EIF4A3: variants seen among roughly 807,000 people sequenced by gnomAD.
The protein encoded by EIF4A3 is eukaryotic translation initiation factor 4A3.
In EIF4A3, 1 loss-of-function variant was observed where a neutral mutation model predicts 55.6. The ratio of observed to expected loss-of-function variants is 0.02; its 90% confidence interval spans 0.01 to 0.09. The LOEUF is 0.09. EIF4A3 is among the 10% of genes least tolerant of loss of function. The probability of loss-of-function intolerance (pLI) is 1.00; values close to 1 mark genes in which losing one functional copy is unlikely to be tolerated. For synonymous variants in EIF4A3, 194 were observed against 196.3 expected, an observed-to-expected ratio of 0.99 and a Z score of 0.10; for missense variants, 221 against 540.7, an observed-to-expected ratio of 0.41 and a Z score of 5.86.
Position 80,135,295 on chromosome 17 carries a change from G to T in EIF4A3, c.*195C>A, listed in dbSNP as rs966108334. On this transcript the variant is annotated 3_prime_UTR_variant, in exon 12 of 12. Coordinates refer to ENST00000649764, the MANE Select transcript of EIF4A3 (RefSeq NM_014740.4). ...TTAAATTTTTAATGAAAAAGACTTAGAACAATGTATTATTTACATGTAAAT... is the reference window on the plus strand; with the variant it reads ...TTAAATTTTTAATGAAAAAGACTTATAACAATGTATTATTTACATGTAAAT... 23 of 547,976 alleles carry T rather than the reference G, an allele frequency of 4.2e-5. No homozygotes were observed. The highest frequency in any genetic ancestry group is 3.8e-5 in the Admixed American group (1 of 26,072). 33.9% of individuals were successfully genotyped at this position (547,976 alleles called of 1,614,324 possible).
intron 2 of EIF4A3, among the ~76,000 whole-genome samples, 195 bp from the exon 3 acceptor site, chr17:80,142,043 T>C (rs563207803): frequency 7.4e-4 from 112 of 152,078 alleles, no homozygotes; most frequent in African/African-American, 2.6e-3. Flanking sequence ...AGAAAGAGAG[T>C]AGACATGGCT....
At position 80,146,938 on chromosome 17, in the gene EIF4A3, C is replaced by G. The variant is rs75880769; in HGVS notation, c.24G>C (p.Ala8=). 4.0e-4 allele frequency: 645 copies of G among 1,607,980 alleles called. 6 individuals are homozygous for G. In the African/African-American group the frequency reaches 8.2e-3, roughly 20 times the overall value. Residue 8 remains alanine, a synonymous_variant, in exon 1 of 12, where the codon GCG becomes GCC. Coordinates refer to ENST00000649764, the MANE Select transcript of EIF4A3 (RefSeq NM_014740.4). ...GCCGCTTTCGCGCCGAGCCCGAGGT[C>G]GCCATCGTGGCCGTGGTCGCCATGA... MATTATM[A]TSGSARKRLL...
At chr17:80,138,527 A>T in intron 7 of EIF4A3, 1 of 454,268 alleles carries the variant, frequency 2.2e-6, no homozygotes, top group Non-Finnish European at 3.8e-6. Context: ...AAACACTGAT[A>T]AATAAATAGT....
intron 3 of EIF4A3, 79 bp downstream of exon 3, chr17:80,141,703 T>A (rs2039620493): frequency 4.9e-6 from 7 of 1,436,040 alleles, no homozygotes; most frequent in Non-Finnish European, 5.8e-6. Context: ...ATTGTACTTT[T>A]TGAACACTGT....
In EIF4A3 at chr17:80,136,191, G is replaced by C. The variant is rs1289953231; in HGVS notation, c.1091+37C>G. ...ATAACAATCAAGATTTAGTAAATGT[G>C]TCACAGAAGTGAAGCCAATGAGAGC... On this transcript the variant is annotated intron_variant, in intron 10 of 11. Transcript: ENST00000649764. 5 of 1,612,826 alleles carry C rather than the reference G, an allele frequency of 3.1e-6. 1 individual carries two copies. Among genetic ancestry groups the C allele is most frequent in the Admixed American group, 3.3e-5 (2 of 59,956 alleles).
Position 80,138,629 on chromosome 17 carries a change from C to T in EIF4A3, c.729-349G>A, listed in dbSNP as rs1221117597. The T allele has an allele frequency of 8.9e-6, 3 of 336,590 alleles. No homozygotes were observed. The East Asian group carries it at 1.8e-4, about 21-fold the overall frequency. 20.9% of individuals were successfully genotyped at this position (336,590 alleles called of 1,614,324 possible). On this transcript the variant is annotated intron_variant, in intron 7 of 11. Transcript: ENST00000649764. Reference sequence around the variant, plus strand: ...TTGTTTTGTTTGAGACAGGGTCTTGCTCTGTTGCCCTGGCTGAAGTACAGT... The same window carrying T: ...TTGTTTTGTTTGAGACAGGGTCTTGTTCTGTTGCCCTGGCTGAAGTACAGT...
chr17:80,138,515 C>T (rs891168722), intron 7 of EIF4A3: 19 of 485,820 alleles, frequency 3.9e-5, no homozygotes, highest in South Asian at 6.7e-5. Flanking sequence ...CGATTCTAAA[C>T]GAAACACTGA....
chr17:80,141,960 C>A, intron 2 of EIF4A3, 112 bp from the exon 3 acceptor site: 1 of 774,644 alleles, frequency 1.3e-6, no homozygotes, highest in East Asian at 2.6e-5. Context: ...AGCAAGCCCC[C>A]GTACCTAATA....
chr17:80,144,431 C>T (rs963172299), intron 1 of EIF4A3, among the ~76,000 whole-genome samples, 187 bp from the exon 2 acceptor site: 39 of 151,064 alleles, frequency 2.6e-4, no homozygotes, highest in African/African-American at 9.5e-4. Context: ...TCTACACTAA[C>T]GTGGGATATT....
intron 7 of EIF4A3, 108 bp from the exon 8 acceptor site, chr17:80,138,388 A>T (rs898507178): frequency 7.1e-7 from 1 of 1,417,374 alleles, no homozygotes; most frequent in Non-Finnish European, 9.7e-7. Context: ...TCACACCGTG[A>T]TATCTGGTGC....
chr17:80,144,123 G>A (rs547781602), intron 2 of EIF4A3, 49 bp downstream of exon 2: 10 of 1,579,334 alleles, frequency 6.3e-6, no homozygotes, highest in African/African-American at 2.7e-5. Flanking sequence ...ACTGCACTGC[G>A]CTGCCCAAAT....
intron 1 of EIF4A3, among the ~76,000 whole-genome samples, chr17:80,144,665 T>C (rs199639018): frequency 1.3e-5 from 2 of 150,708 alleles, no homozygotes; most frequent in African/African-American, 2.4e-5. Flanking sequence ...TACTACTTTT[T>C]AAATTAAAAA....
chr17:80,139,560 A>G, intron 6 of EIF4A3, 110 bp downstream of exon 6: 4 of 950,340 alleles, frequency 4.2e-6, no homozygotes, highest in Non-Finnish European at 6.2e-6. Context: ...TTCCACGATG[A>G]AAACACTATT....
At chr17:80,139,252 G>C (rs1426928702) in intron 6 of EIF4A3, 90 bp from the exon 7 acceptor site, 1 of 1,528,670 alleles carries the variant, frequency 6.5e-7, no homozygotes, top group African/African-American at 1.4e-5. Context: ...CTGGGTTAGA[G>C]GCAGAGTGGT....
Position 80,142,509 on chromosome 17 carries a change from C to T in EIF4A3, c.243-661G>A, listed in dbSNP as rs574968128. Reference sequence around the variant, plus strand: ...GGCCTGTATTCCCAACACTCTGGGACGCAGAGGCAGCATTAATTGAAGCCA... The same window carrying T: ...GGCCTGTATTCCCAACACTCTGGGATGCAGAGGCAGCATTAATTGAAGCCA... On this transcript the variant is annotated intron_variant, in intron 2 of 11. Coordinates refer to ENST00000649764, the MANE Select transcript of EIF4A3 (RefSeq NM_014740.4). 1.4e-4 allele frequency among the ~76,000 whole-genome samples: 21 copies of T among 152,240 alleles called. No homozygotes were observed. In the South Asian group the frequency reaches 3.5e-3, roughly 26 times the overall value.
In EIF4A3 at chr17:80,147,022, C is replaced by A. The variant is rs1287185787; in HGVS notation, c.-61G>T. On this transcript the variant is annotated 5_prime_UTR_variant, in exon 1 of 12. Transcript: ENST00000649764. The stretch of plus-strand genomic sequence containing the variant: ...CTGCCGACCTCGCTGCCGCTGCCGA[C>A]CTCGCTGTGCCGCTGCCGACCTCGC... The A allele has an allele frequency of 3.6e-6, 5 of 1,403,474 alleles. No homozygotes were observed. The highest frequency in any genetic ancestry group is 3.7e-6 in the Non-Finnish European group (4 of 1,079,532). 86.9% of individuals were successfully genotyped at this position (1,403,474 alleles called of 1,614,324 possible).
chr17:80,137,929 T>G (rs1367152351), intron 8 of EIF4A3, among the ~76,000 whole-genome samples: 1 of 152,210 alleles, frequency 6.6e-6, no homozygotes, highest in African/African-American at 2.4e-5. Context: ...TAGGGGTGGC[T>G]GATATCGCTG....
At chr17:80,137,534 C>G in intron 8 of EIF4A3, 33 bp from the exon 9 acceptor site, 2 of 1,567,188 alleles carry the variant, frequency 1.3e-6, no homozygotes, top group South Asian at 1.1e-5. Context: ...CTACTGCAAG[C>G]TAGTATACCA....
At chr17:80,139,403 A>G (rs2039599818) in intron 6 of EIF4A3, 3 of 637,268 alleles carry the variant, frequency 4.7e-6, no homozygotes, top group Non-Finnish European at 7.9e-6. Flanking sequence ...TTCAATCTGA[A>G]GTGATCTAGG....
Sources: allele counts gnomAD v4.1 joint callset (sites outside exome capture counted in the v4.1 genomes callset), GRCh38; gene constraint gnomAD v4.1.1; transcripts MANE v1.5; gene names NCBI Gene and HGNC (gene_info 2026-07-23, HGNC 2026-07-21).